Variants in SORL1 observed in about 807,000 individuals in gnomAD.
SORL1 encodes the protein sortilin related receptor 1, also known as sortilin-related receptor.
SORL1 carries 127 observed loss-of-function variants against 273.7 expected under a neutral mutation model. That is an observed-to-expected ratio of 0.46 (90% CI 0.40 to 0.54). The LOEUF (loss-of-function observed/expected upper bound fraction) is 0.54. SORL1 is among the 20% of genes least tolerant of loss of function. The probability of loss-of-function intolerance (pLI) is 0.00; values close to 1 mark genes in which losing one functional copy is unlikely to be tolerated. For missense variants in SORL1, 2,494 were observed against 2,846.1 expected (o/e 0.88, Z 2.81); for synonymous variants, 1,031 against 1,067.4 (o/e 0.97, Z 0.66).
chr11:121,530,635 T>C (rs1360644377), intron 11 of SORL1, among the ~76,000 whole-genome samples: 1 of 152,190 alleles, frequency 6.6e-6, no homozygotes, highest in Non-Finnish European at 1.5e-5. Context: ...TTGAGTTTAT[T>C]CTCTATGTAG....
chr11:121,457,150 G>A (rs582446), intron 1 of SORL1, among the ~76,000 whole-genome samples: 115,694 of 152,012 alleles, frequency 0.76, 45,630 homozygotes, highest in South Asian at 0.87. Context: ...GTCTCTGGCC[G>A]CTTTTAGTTC....
At position 121,625,221 on chromosome 11, in the gene SORL1, T is replaced by C; in HGVS notation, c.6308T>C (p.Phe2103Ser). Residue 2103 changes from phenylalanine (F) to serine (S), a missense_variant, in exon 46 of 48, where the codon TTT becomes TCT. By Grantham distance (155) the Phe-to-Ser change is radical. Coordinates refer to ENST00000260197, the MANE Select transcript of SORL1 (RefSeq NM_003105.6). Reference protein sequence around the residue: ...YTFTVQARCLFGNQICGEPAI... With the variant: ...YTFTVQARCLSGNQICGEPAI... ...TTCACCGTCCAAGCAAGATGCCTTT[T>C]TGGCAACCAGATCTGTGGGGAGCCT... The C allele has an allele frequency of 6.2e-7, 1 of 1,614,186 alleles. No individual in the cohort carries two copies. Among genetic ancestry groups the C allele is most frequent in the African/African-American group, 1.3e-5 (1 of 75,048 alleles).
chr11:121,523,051 A>C, intron 11 of SORL1, 62 bp downstream of exon 11: 1 of 1,141,002 alleles, frequency 8.8e-7, no homozygotes, highest in Non-Finnish European at 1.3e-6. Flanking sequence ...GAGAATGTAG[A>C]CTGTGCCTTG....
rs1565346545 is a variant in SORL1 at position 121,589,310 on chromosome 11, A to T, written c.3998A>T (p.Gln1333Leu). ...KVCDEFGFQC[Q>L]NGVCISLIWK... ...TGTGATGAGTTCGGTTTCCAGTGTC[A>T]GAATGGAGTGTGCATCAGTTTGATT... The change falls in exon 29 of 48, where the codon CAG becomes CTG. Residue 1333 changes from glutamine to leucine, a missense_variant. Physicochemically the swap from Gln to Leu is moderately radical, Grantham distance 113 (BLOSUM62 -2). This residue lies in a region of SORL1 where 1,609 missense variants were observed against 1,816.4 expected (regional missense o/e 0.89). Coordinates refer to ENST00000260197, the MANE Select transcript of SORL1 (RefSeq NM_003105.6). 1 of 1,613,844 alleles carries T rather than the reference A, an allele frequency of 6.2e-7. No individual in the cohort carries two copies. The highest frequency in any genetic ancestry group is 8.5e-7 in the Non-Finnish European group (1 of 1,179,694).
chr11:121,511,282 C>T (rs1206906016), intron 6 of SORL1, among the ~76,000 whole-genome samples: 6 of 151,892 alleles, frequency 4.0e-5, no homozygotes, highest in Non-Finnish European at 5.9e-5. Flanking sequence ...CAGCAGCAAT[C>T]GTTAAGTATT....
intron 3 of SORL1, 146 bp downstream of exon 3, chr11:121,478,389 G>A: frequency 1.0e-6 from 1 of 953,016 alleles, no homozygotes; most frequent in Non-Finnish European, 1.5e-6. Flanking sequence ...GCTAACCTGG[G>A]CATTTGTGAC....
chr11:121,469,519 T>C (rs1236949870), intron 1 of SORL1, among the ~76,000 whole-genome samples: 1 of 152,232 alleles, frequency 6.6e-6, no homozygotes, highest in East Asian at 1.9e-4. Flanking sequence ...ACTTCTCTCA[T>C]TTCTCATTAC....
intron 11 of SORL1, among the ~76,000 whole-genome samples, chr11:121,530,346 C>A (rs1443332056): frequency 6.7e-6 from 1 of 149,024 alleles, no homozygotes; most frequent in East Asian, 1.9e-4. Context: ...GCTGTGAATT[C>A]TCTTGTTTTT....
intron 2 of SORL1, among the ~76,000 whole-genome samples, chr11:121,473,894 CAA>C (rs369639193): frequency 7.3e-6 from 1 of 137,008 alleles, no homozygotes; most frequent in Non-Finnish European, 1.6e-5. Flanking sequence ...GACCCTGTCT[CAA>C]AAAAAAAAAG....
intron 32 of SORL1, among the ~76,000 whole-genome samples, chr11:121,600,593 T>G (rs1378770198): frequency 6.6e-6 from 1 of 152,258 alleles, no homozygotes; most frequent in Non-Finnish European, 1.5e-5. Context: ...ATTGGCATTC[T>G]TTAAATCAGT....
At chr11:121,454,805 C>T (rs1283081893) in intron 1 of SORL1, among the ~76,000 whole-genome samples, 1 of 152,110 alleles carries the variant, frequency 6.6e-6, no homozygotes, top group Non-Finnish European at 1.5e-5. Flanking sequence ...TTGAGGTGCC[C>T]CTCTTGGAAC....
At chr11:121,518,407 C>G (rs1421236436) in intron 8 of SORL1, among the ~76,000 whole-genome samples, 1 of 152,070 alleles carries the variant, frequency 6.6e-6, no homozygotes, top group Non-Finnish European at 1.5e-5. Context: ...GGTGAAGGAG[C>G]ATGTGAGGTA....
chr11:121,589,027 G>A (rs1448167162), intron 28 of SORL1, among the ~76,000 whole-genome samples: 1 of 152,190 alleles, frequency 6.6e-6, no homozygotes, highest in Non-Finnish European at 1.5e-5. Flanking sequence ...TGATTTTTGG[G>A]AGGATAAACT....
chr11:121,483,248 T>C (rs749230065), intron 3 of SORL1, among the ~76,000 whole-genome samples: 23 of 152,310 alleles, frequency 1.5e-4, no homozygotes, highest in Non-Finnish European at 2.6e-4. Flanking sequence ...ACTGCATATC[T>C]GGGGCTTTTT....
At chr11:121,589,944 C>G (rs1276536575) in intron 29 of SORL1, 96 bp from the exon 30 acceptor site, 2 of 1,464,894 alleles carry the variant, frequency 1.4e-6, no homozygotes, top group African/African-American at 2.8e-5. Flanking sequence ...TGTGGGTTGC[C>G]CTGGAACTTG....
intron 25 of SORL1, among the ~76,000 whole-genome samples, chr11:121,581,555 A>C (rs570812070): frequency 1.3e-5 from 2 of 152,250 alleles, no homozygotes; most frequent in African/African-American, 2.4e-5. Flanking sequence ...TTAAAAAAAA[A>C]ATATGTATTA....
chr11:121,616,312 AG>A (rs1344363599), intron 41 of SORL1, among the ~76,000 whole-genome samples: 2 of 152,196 alleles, frequency 1.3e-5, no homozygotes, highest in African/African-American at 2.4e-5. Flanking sequence ...TTCAGAGGTG[AG>A]AGCGCAAATG....
chr11:121,533,271 G>T (rs541510906), intron 12 of SORL1, among the ~76,000 whole-genome samples: 12 of 152,130 alleles, frequency 7.9e-5, no homozygotes, highest in Non-Finnish European at 1.0e-4. Flanking sequence ...GCTGGAAGGG[G>T]TGTTTAGGGT....
rs1862539449 is a variant in SORL1, at chr11:121,553,874, T to C, written c.2267-63T>C. 6.0e-6 allele frequency: 9 copies of C among 1,490,966 alleles called. No homozygotes were observed. In the East Asian group the frequency reaches 2.0e-4, roughly 34 times the overall value. The allele number at this position is 1,490,966 out of a possible 1,614,324, so 92.4% of individuals were successfully genotyped here. A position where few individuals can be genotyped will look rare whatever the true frequency, so the allele number is the denominator to read the frequency against. Reference sequence around the variant, plus strand: ...GTGTATGAGAAACAAATAGGTCAGATGTGCTAGGACCTCTTCAGCATCCCC... The same window carrying C: ...GTGTATGAGAAACAAATAGGTCAGACGTGCTAGGACCTCTTCAGCATCCCC... On this transcript the variant is annotated intron_variant, in intron 16 of 47. Transcript: ENST00000260197.
Sources: gnomAD v4.1 joint callset for allele counts (sites outside exome capture counted in the v4.1 genomes callset) on GRCh38, gnomAD v4.1.1 for gene constraint, gnomAD v4.1.1 regional missense constraint, MANE v1.5 for transcripts, NCBI Gene and HGNC (gene_info 2026-07-23, HGNC 2026-07-21) for gene names.